SLC35D4: variants seen among roughly 807,000 people sequenced by gnomAD.
SLC35D4 encodes solute carrier family 35 member D4, also known as UDP-N-acetylglucosamine transporter SLC35D4.
At chr18:23,419,680 A>G in the SLC35D4 span, among the ~76,000 whole-genome samples, 2 of 152,138 alleles carry the variant, frequency 1.3e-5, no homozygotes, top group African/African-American at 4.8e-5. Flanking sequence ...CTCGTACTAG[A>G]ATTTTGGAGT....
chr18:23,345,771 A>G, the SLC35D4 span, among the ~76,000 whole-genome samples: 1 of 151,754 alleles, frequency 6.6e-6, no homozygotes, highest in Non-Finnish European at 1.5e-5. Context: ...GAATCAATTT[A>G]GCAAAAATTT....
chr18:23,425,637 A>AGG, the SLC35D4 span, among the ~76,000 whole-genome samples: 5 of 152,236 alleles, frequency 3.3e-5, no homozygotes, highest in Admixed American at 3.3e-4. Context: ...AGAGTATTGT[A>AGG]GGGCATATCT....
At chr18:23,346,783 G>A in the SLC35D4 span, among the ~76,000 whole-genome samples, 117 of 152,254 alleles carry the variant, frequency 7.7e-4, no homozygotes, top group Non-Finnish European at 1.2e-3. Context: ...AAATGATCAT[G>A]TATTTTTGTT....
the SLC35D4 span, among the ~76,000 whole-genome samples, chr18:23,429,137 G>A: frequency 6.6e-6 from 1 of 152,158 alleles, no homozygotes; most frequent in Non-Finnish European, 1.5e-5. Flanking sequence ...ATTATGCATA[G>A]TGCTGTGATA....
the SLC35D4 span, among the ~76,000 whole-genome samples, chr18:23,324,045 C>G: frequency 1.3e-5 from 2 of 150,686 alleles, no homozygotes; most frequent in Admixed American, 1.3e-4. Flanking sequence ...ATCACACCAC[C>G]GCACTCCACC....
At chr18:23,254,262 A>C in the SLC35D4 span, among the ~76,000 whole-genome samples, 22 of 152,232 alleles carry the variant, frequency 1.4e-4, no homozygotes, top group Non-Finnish European at 3.1e-4. Context: ...TGTGACCCAC[A>C]GAGCATCTAA....
chr18:23,257,568 T>A, the SLC35D4 span: 4 of 526,478 alleles, frequency 7.6e-6, no homozygotes, highest in African/African-American at 7.9e-5. Context: ...TATGGACTCC[T>A]CAAGCACGGG....
chr18:23,311,104 C>CTTT, the SLC35D4 span, among the ~76,000 whole-genome samples: 2 of 142,330 alleles, frequency 1.4e-5, no homozygotes, highest in Non-Finnish European at 1.5e-5. Context: ...TTTCTCTTCC[C>CTTT]TTTTTTTTTT....
At chr18:23,337,576 T>C in the SLC35D4 span, among the ~76,000 whole-genome samples, 1 of 152,122 alleles carries the variant, frequency 6.6e-6, no homozygotes, top group Non-Finnish European at 1.5e-5. Context: ...ACCAGAAACA[T>C]CGAGAGTTTT....
At chr18:23,354,474 C>T in the SLC35D4 span, among the ~76,000 whole-genome samples, 2 of 149,222 alleles carry the variant, frequency 1.3e-5, no homozygotes, top group African/African-American at 2.5e-5. Context: ...GAGCCGAGAT[C>T]GCACCACTGC....
chr18:23,403,978 C>T, the SLC35D4 span, among the ~76,000 whole-genome samples: 1 of 151,876 alleles, frequency 6.6e-6, no homozygotes, highest in African/African-American at 2.4e-5. Flanking sequence ...ATTAGCTGGG[C>T]ACGGTGGCTC....
At chr18:23,335,814 T>TATAA in the SLC35D4 span, among the ~76,000 whole-genome samples, 1 of 152,234 alleles carries the variant, frequency 6.6e-6, no homozygotes, top group African/African-American at 2.4e-5. Context: ...AACTGGCCTT[T>TATAA]ATGTTGCAAA....
chr18:23,282,742 C>G, the SLC35D4 span, among the ~76,000 whole-genome samples: 13 of 152,178 alleles, frequency 8.5e-5, no homozygotes, highest in South Asian at 1.2e-3. Flanking sequence ...AGAGGGAGGG[C>G]TGGTTTTGGA....
chr18:23,434,370 C>T, the SLC35D4 span, among the ~76,000 whole-genome samples: 3 of 152,144 alleles, frequency 2.0e-5, no homozygotes, highest in South Asian at 2.1e-4. Flanking sequence ...TTTACATTCT[C>T]GGGACCCTTG....
the SLC35D4 span, among the ~76,000 whole-genome samples, chr18:23,372,969 C>T: frequency 2.0e-4 from 31 of 152,032 alleles, no homozygotes; most frequent in Admixed American, 1.8e-3. Flanking sequence ...GGGGTGGGTC[C>T]TCAGCACCTC....
At chr18:23,335,211 AACAG>A in the SLC35D4 span, among the ~76,000 whole-genome samples, 2 of 152,236 alleles carry the variant, frequency 1.3e-5, no homozygotes, top group Non-Finnish European at 2.9e-5. Context: ...GGCACAATGT[AACAG>A]ACAGTTATTT....
the SLC35D4 span, among the ~76,000 whole-genome samples, chr18:23,348,374 T>C: frequency 1.3e-4 from 20 of 152,350 alleles, no homozygotes; most frequent in East Asian, 3.9e-3. Flanking sequence ...TCAAGTCTTC[T>C]ATGTACTTCT....
chr18:23,431,153 C>CAAAA, the SLC35D4 span, among the ~76,000 whole-genome samples: 156 of 65,988 alleles, frequency 2.4e-3, no homozygotes, highest in East Asian at 4.4e-3. Context: ...GAGTATATCT[C>CAAAA]AAAAAAAAAA....
chr18:23,300,357 G>A, the SLC35D4 span, among the ~76,000 whole-genome samples: 8 of 152,158 alleles, frequency 5.3e-5, no homozygotes, highest in Non-Finnish European at 4.4e-5. Context: ...CTTTGGGTTT[G>A]GGAGGGTTTT....
Sources: gnomAD v4.1 joint callset for allele counts (sites outside exome capture counted in the v4.1 genomes callset) on GRCh38, gnomAD v4.1.1 for gene constraint, MANE v1.5 for transcripts, NCBI Gene and HGNC (gene_info 2026-07-23, HGNC 2026-07-21) for gene names.